Variants in PPP3CB observed in about 807,000 individuals in gnomAD.
PPP3CB encodes the protein serine/threonine-protein phosphatase 2B catalytic subunit beta isoform.
PPP3CB carries 8 observed loss-of-function variants against 66.4 expected under a neutral mutation model. That is an observed-to-expected ratio of 0.12 (90% CI 0.07 to 0.22). The LOEUF (loss-of-function observed/expected upper bound fraction) is 0.22. Among genes scored for constraint, PPP3CB ranks in the 10% least tolerant of loss-of-function variants. PPP3CB has a pLI of 1.00. For missense variants in PPP3CB, 319 were observed against 642.5 expected, an observed-to-expected ratio of 0.50 and a Z score of 5.44; for synonymous variants, 208 against 221.2, an observed-to-expected ratio of 0.94 and a Z score of 0.53.
intron 10 of PPP3CB, among the ~76,000 whole-genome samples, chr10:73,448,944 C>G (rs1315118185): frequency 1.3e-5 from 2 of 151,954 alleles, no homozygotes; most frequent in Non-Finnish European, 2.9e-5. Context: ...AAATTATGGA[C>G]AGAATAACTA....
At chr10:73,455,956 T>C (rs984133519) in intron 9 of PPP3CB, among the ~76,000 whole-genome samples, 4 of 152,218 alleles carry the variant, frequency 2.6e-5, no homozygotes, top group African/African-American at 9.6e-5. Flanking sequence ...TTTAATTCAC[T>C]ATTATAACTT....
At chr10:73,446,277 T>C (rs977305409) in intron 11 of PPP3CB, among the ~76,000 whole-genome samples, 1 of 151,900 alleles carries the variant, frequency 6.6e-6, no homozygotes, top group Non-Finnish European at 1.5e-5. Flanking sequence ...TTTTTGTATA[T>C]TTAGTAGAGA....
At chr10:73,451,814 C>T (rs935774335) in intron 10 of PPP3CB, among the ~76,000 whole-genome samples, 8 of 147,948 alleles carry the variant, frequency 5.4e-5, no homozygotes, top group African/African-American at 7.5e-5. Flanking sequence ...GGTGCGATCT[C>T]GACTCACTGT....
At chr10:73,459,208 G>T (rs2056480366) in intron 9 of PPP3CB, among the ~76,000 whole-genome samples, 1 of 152,170 alleles carries the variant, frequency 6.6e-6, no homozygotes, top group African/African-American at 2.4e-5. Context: ...GAAAACATAG[G>T]CCGGGCATGG....
chr10:73,486,250 T>G (rs1157477280), intron 1 of PPP3CB, among the ~76,000 whole-genome samples: 3 of 150,998 alleles, frequency 2.0e-5, no homozygotes, highest in Non-Finnish European at 4.4e-5. Context: ...AGCCAATTTT[T>G]TGTAGTTTTA....
intron 9 of PPP3CB, among the ~76,000 whole-genome samples, chr10:73,463,222 A>G (rs747155785): frequency 8.5e-5 from 13 of 152,112 alleles, no homozygotes; most frequent in Admixed American, 2.6e-4. Flanking sequence ...TCCGTTCCTA[A>G]TGCTACCAGG....
At chr10:73,473,131 A>G (rs1010339831) in intron 4 of PPP3CB, among the ~76,000 whole-genome samples, 1 of 152,208 alleles carries the variant, frequency 6.6e-6, no homozygotes, top group Non-Finnish European at 1.5e-5. Context: ...TAGGTCAAGC[A>G]TGCACTTTCC....
intron 1 of PPP3CB, among the ~76,000 whole-genome samples, chr10:73,480,919 A>G (rs1211812986): frequency 2.0e-5 from 3 of 152,202 alleles, no homozygotes; most frequent in Non-Finnish European, 4.4e-5. Flanking sequence ...GCATCTAAGC[A>G]CAATTTTGAG....
At chr10:73,468,273 A>G (rs1462350610) in intron 8 of PPP3CB, among the ~76,000 whole-genome samples, 1 of 152,166 alleles carries the variant, frequency 6.6e-6, no homozygotes, top group Non-Finnish European at 1.5e-5. Flanking sequence ...AAAACACCAA[A>G]AGAGAATATT....
intron 9 of PPP3CB, among the ~76,000 whole-genome samples, chr10:73,459,136 G>A (rs540863282): frequency 9.9e-5 from 15 of 152,110 alleles, no homozygotes; most frequent in Non-Finnish European, 2.1e-4. Context: ...TCCTTAAAAG[G>A]TTAATCATAG....
In PPP3CB at chr10:73,475,029, C is replaced by T; in HGVS notation, c.413G>A (p.Cys138Tyr). The T allele has an allele frequency of 6.2e-7, 1 of 1,607,066 alleles. No individual in the cohort carries two copies. Among genetic ancestry groups the T allele is most frequent in the Non-Finnish European group, 8.5e-7 (1 of 1,177,932 alleles). ...CTTCAGAACCCATAAATATAAGACA[C>T]ACTGCAAAAGAAAATTTTTCTAGTG... ...YVDRGYFSIECVLYLWVLKIL... is the reference protein window; with the variant it reads ...YVDRGYFSIEYVLYLWVLKIL... The change falls in exon 4 of 14, where the codon TGT (cysteine) becomes TAT (tyrosine). Residue 138 changes from cysteine to tyrosine, a missense_variant and splice_region_variant. By Grantham distance (194) the Cys-to-Tyr change is radical. Transcript: ENST00000360663.
intron 1 of PPP3CB, among the ~76,000 whole-genome samples, chr10:73,483,874 T>C (rs2056925631): frequency 6.6e-6 from 1 of 151,556 alleles, no homozygotes; most frequent in Non-Finnish European, 1.5e-5. Context: ...CCAGGTGCGG[T>C]GGTTCATGTC....
intron 1 of PPP3CB, among the ~76,000 whole-genome samples, chr10:73,492,123 C>T (rs887949557): frequency 6.6e-6 from 1 of 152,060 alleles, no homozygotes; most frequent in African/African-American, 2.4e-5. Flanking sequence ...ATCAGAAATA[C>T]TTTAGCTTAA....
In PPP3CB at chr10:73,470,420, T is replaced by TG. The variant is rs374567921; in HGVS notation, c.982+266_982+267insC. ...TTTAAGAAAGGGGAGTTTGAGAAAA[T>TG]CATGTTTGGTTTTGCTTGATGCACT... On this transcript the variant is annotated intron_variant, in intron 8 of 13. Transcript: ENST00000360663. 6.2e-4 allele frequency among the ~76,000 whole-genome samples: 95 copies of TG among 152,248 alleles called. 1 individual carries two copies. Among genetic ancestry groups the TG allele is most frequent in the African/African-American group, 2.0e-3 (84 of 41,562 alleles).
intron 1 of PPP3CB, among the ~76,000 whole-genome samples, chr10:73,491,030 T>A (rs1388188567): frequency 8.6e-6 from 1 of 116,744 alleles, no homozygotes; most frequent in South Asian, 2.9e-4. Context: ...TTGTTTTTTT[T>A]TTTTTTTTTT....
At position 73,479,494 on chromosome 10, in the gene PPP3CB, G is replaced by A. The variant is rs749229440; in HGVS notation, c.109C>T (p.Arg37Cys). 5.0e-6 allele frequency: 8 copies of A among 1,614,016 alleles called. No individual in the cohort carries two copies. The highest frequency in any genetic ancestry group is 5.9e-6 in the Non-Finnish European group (7 of 1,179,972). The change falls in exon 2 of 14, where the codon CGC becomes TGC. Residue 37 changes from arginine to cysteine, a missense_variant. Physicochemically the swap from Arg to Cys is radical, Grantham distance 180. Coordinates refer to ENST00000360663, the MANE Select transcript of PPP3CB (RefSeq NM_021132.4). ...TCAAATACTTCTTCAGATGTCAAGC[G>A]ATGTGTTGGGGGGAAAGGGACAGCT... ...VKAVPFPPTHRLTSEEVFDLD... is the reference protein window; with the variant it reads ...VKAVPFPPTHCLTSEEVFDLD...
chr10:73,468,481 T>C (rs964883256), intron 8 of PPP3CB, among the ~76,000 whole-genome samples: 26 of 152,196 alleles, frequency 1.7e-4, no homozygotes, highest in Non-Finnish European at 1.2e-4. Flanking sequence ...GCTTGGTAAA[T>C]TATTCAACTA....
At chr10:73,478,203 T>C (rs534857604) in intron 3 of PPP3CB, among the ~76,000 whole-genome samples, 3 of 152,234 alleles carry the variant, frequency 2.0e-5, no homozygotes, top group South Asian at 4.1e-4. Flanking sequence ...GAGAGATAAA[T>C]AGCACTAAAT....
At chr10:73,459,650 T>C (rs796158963) in intron 9 of PPP3CB, among the ~76,000 whole-genome samples, 5 of 152,378 alleles carry the variant, frequency 3.3e-5, no homozygotes, top group African/African-American at 1.2e-4. Flanking sequence ...AATGTTGTAC[T>C]GCTTCATGCT....
Sources: gnomAD v4.1 joint callset for allele counts (sites outside exome capture counted in the v4.1 genomes callset) on GRCh38, gnomAD v4.1.1 for gene constraint, MANE v1.5 for transcripts, NCBI Gene and HGNC (gene_info 2026-07-23, HGNC 2026-07-21) for gene names.